Variants in CHCHD6 observed in about 807,000 individuals in gnomAD.
The protein encoded by CHCHD6 is MICOS complex subunit MIC25.
A neutral mutation model predicts 32.3 loss-of-function variants in CHCHD6; 28 were observed. The observed-to-expected ratio is 0.87, with a 90% CI of 0.64 to 1.19. The LOEUF is 1.19. Ranked by LOEUF, CHCHD6 falls within the 50% of genes most tolerant of loss-of-function variation. The pLI is 0.00. For synonymous variants in CHCHD6, 122 were observed against 117.5 expected, an observed-to-expected ratio of 1.04 and a Z score of -0.25; for missense variants, 333 against 307.0, an observed-to-expected ratio of 1.08 and a Z score of -0.63.
chr3:126,761,033 G>A (rs1319829969), intron 4 of CHCHD6, among the ~76,000 whole-genome samples: 1 of 152,236 alleles, frequency 6.6e-6, no homozygotes, highest in African/African-American at 2.4e-5. Context: ...GGATCTTGCT[G>A]TGTTGCCCAG....
chr3:126,922,035 T>A (rs2107594385), intron 6 of CHCHD6, among the ~76,000 whole-genome samples: 1 of 152,366 alleles, frequency 6.6e-6, no homozygotes, highest in East Asian at 1.9e-4. Flanking sequence ...GATGACCTTT[T>A]AAAGGAAACG....
intron 2 of CHCHD6, among the ~76,000 whole-genome samples, chr3:126,730,029 C>G (rs1935717306): frequency 6.6e-6 from 1 of 152,068 alleles, no homozygotes; most frequent in African/African-American, 2.4e-5. Flanking sequence ...ACAAAAAGAG[C>G]CCAATAATAC....
intron 5 of CHCHD6, among the ~76,000 whole-genome samples, chr3:126,870,638 T>C (rs983446517): frequency 6.6e-6 from 1 of 152,208 alleles, no homozygotes; most frequent in Non-Finnish European, 1.5e-5. Context: ...CACCTTAGTG[T>C]GCACACTGGG....
At chr3:126,897,101 G>A (rs1346246150) in intron 5 of CHCHD6, among the ~76,000 whole-genome samples, 1 of 152,174 alleles carries the variant, frequency 6.6e-6, no homozygotes, top group Non-Finnish European at 1.5e-5. Flanking sequence ...TCAGTGTGGG[G>A]CCCTGATGTG....
At chr3:126,865,012 A>G (rs1475245279) in intron 5 of CHCHD6, among the ~76,000 whole-genome samples, 1 of 139,644 alleles carries the variant, frequency 7.2e-6, no homozygotes, top group Non-Finnish European at 1.6e-5. Context: ...TTCCTCCACC[A>G]CCACCACCAC....
intron 6 of CHCHD6, among the ~76,000 whole-genome samples, chr3:126,946,108 G>T (rs2078634493): frequency 6.6e-6 from 1 of 152,070 alleles, no homozygotes; most frequent in Non-Finnish European, 1.5e-5. Context: ...TGTGTCCAGA[G>T]GCCATGGCTG....
chr3:126,869,477 A>G (rs575261630), intron 5 of CHCHD6, among the ~76,000 whole-genome samples: 1 of 152,188 alleles, frequency 6.6e-6, no homozygotes, highest in East Asian at 1.9e-4. Context: ...CCCCACATCT[A>G]TACCATCACA....
intron 4 of CHCHD6, among the ~76,000 whole-genome samples, chr3:126,787,563 A>T (rs1372099189): frequency 1.3e-5 from 2 of 152,084 alleles, no homozygotes; most frequent in South Asian, 4.1e-4. Flanking sequence ...TTGGATTCCT[A>T]GGTATTTTAT....
intron 4 of CHCHD6, chr3:126,766,586 A>G: frequency 8.4e-7 from 1 of 1,186,530 alleles, no homozygotes; most frequent in Non-Finnish European, 1.3e-6. Context: ...GCTGCAGTGG[A>G]AGACTTGGGC....
chr3:126,959,752 C>G (rs1472205155), intron 7 of CHCHD6, among the ~76,000 whole-genome samples: 1 of 152,182 alleles, frequency 6.6e-6, no homozygotes, highest in South Asian at 2.1e-4. Flanking sequence ...ACCACAGGAC[C>G]CTGACTGTGC....
rs986864888 is a variant in CHCHD6 at position 126,810,185 on chromosome 3, T to C, written c.412-42462T>C. On this transcript the variant is annotated intron_variant, in intron 4 of 7. Coordinates refer to ENST00000290913, the MANE Select transcript of CHCHD6 (RefSeq NM_032343.3). ...ACAAAGTTATACTAGAAAGGAAATA[T>C]AACTAAAGTACAGTACATGGCTCAG... 2.0e-5 allele frequency among the ~76,000 whole-genome samples: 3 copies of C among 152,326 alleles called. No individual in the cohort carries two copies. The East Asian group carries it at 5.8e-4, about 29-fold the overall frequency.
At chr3:126,901,018 G>A (rs1475648460) in intron 5 of CHCHD6, among the ~76,000 whole-genome samples, 2 of 152,050 alleles carry the variant, frequency 1.3e-5, no homozygotes, top group African/African-American at 2.4e-5. Context: ...CCCCCCCCAG[G>A]CCCTACCTCC....
chr3:126,758,710 G>A (rs1202258615), intron 4 of CHCHD6, among the ~76,000 whole-genome samples: 1 of 152,140 alleles, frequency 6.6e-6, no homozygotes, highest in Non-Finnish European at 1.5e-5. Context: ...TGCAGTCTTT[G>A]AACTATAGGA....
At chr3:126,824,545 A>G (rs1338772610) in intron 4 of CHCHD6, among the ~76,000 whole-genome samples, 1 of 103,202 alleles carries the variant, frequency 9.7e-6, no homozygotes, top group African/African-American at 3.3e-5. Flanking sequence ...TAGGTGATAG[A>G]GCAAGACTCT....
rs114295020 is a variant in CHCHD6 at position 126,799,273 on chromosome 3, C to T, written c.412-53374C>T. 4.6e-3 allele frequency among the ~76,000 whole-genome samples: 694 copies of T among 152,258 alleles called. 5 individuals are homozygous for T. Among genetic ancestry groups the T allele is most frequent in the African/African-American group, 0.016 (661 of 41,538 alleles). ...ACTCAACAGATGGGTGTGGGCACTA[C>T]AAGCTGAAAAATGTACTTGCAACAG... On this transcript the variant is annotated intron_variant, in intron 4 of 7. Coordinates refer to ENST00000290913, the MANE Select transcript of CHCHD6 (RefSeq NM_032343.3).
chr3:126,796,742 A>C (rs1938810936), intron 4 of CHCHD6, among the ~76,000 whole-genome samples: 1 of 152,010 alleles, frequency 6.6e-6, no homozygotes, highest in Admixed American at 6.6e-5. Flanking sequence ...CACCCTGGAG[A>C]GGGTTTCTGT....
rs553290480 is a variant in CHCHD6, at chr3:126,796,172, C to G, written c.412-56475C>G. 4.6e-5 allele frequency among the ~76,000 whole-genome samples: 7 copies of G among 152,096 alleles called. No homozygotes were observed. In the South Asian group the frequency reaches 1.5e-3, roughly 32 times the overall value. On this transcript the variant is annotated intron_variant, in intron 4 of 7. Transcript: ENST00000290913. ...CGAGCCTGGGCACCATAGTGAGAAC[C>G]CCATCTCTATAAAAACATAAAAACA...
chr3:126,885,558 T>C (rs1390711712), intron 5 of CHCHD6, among the ~76,000 whole-genome samples: 1 of 152,238 alleles, frequency 6.6e-6, no homozygotes, highest in Non-Finnish European at 1.5e-5. Context: ...AAATTCTTGC[T>C]CAAAATGTGA....
chr3:126,786,198 G>A (rs1340068845), intron 4 of CHCHD6, among the ~76,000 whole-genome samples: 1 of 152,152 alleles, frequency 6.6e-6, no homozygotes, highest in Non-Finnish European at 1.5e-5. Flanking sequence ...TGGTGTATAT[G>A]TGCCACATTT....
Sources: gnomAD v4.1 joint callset for allele counts (sites outside exome capture counted in the v4.1 genomes callset) on GRCh38, gnomAD v4.1.1 for gene constraint, MANE v1.5 for transcripts, NCBI Gene and HGNC (gene_info 2026-07-23, HGNC 2026-07-21) for gene names.